The following RNF145 variants were observed in gnomAD, a reference collection of about 807,000 sequenced individuals.
The protein encoded by RNF145 is ring finger protein 145.
In RNF145, 12 loss-of-function variants were observed where a neutral mutation model predicts 57.3. That is an observed-to-expected ratio of 0.21 (90% CI 0.13 to 0.34). The LOEUF is 0.34. Among genes scored for constraint, RNF145 ranks in the 10% least tolerant of loss-of-function variants. The probability of loss-of-function intolerance (pLI) is 1.00; values close to 1 mark genes in which losing one functional copy is unlikely to be tolerated. For missense variants in RNF145, 429 were observed against 799.0 expected (o/e 0.54, Z 5.58); for synonymous variants, 262 against 288.3 (o/e 0.91, Z 0.92).
upstream of RNF145, chr5:159,210,015 A>G: frequency 1.2e-6 from 1 of 865,312 alleles, no homozygotes; most frequent in East Asian, 2.7e-5. Context: ...AAGTGCAGGC[A>G]CTCAAACCCC....
In RNF145 at chr5:159,165,728, A is replaced by AT. The variant is rs1784373780; in HGVS notation, c.1122-2650_1122-2649insA. Among the ~76,000 whole-genome samples, 3 of 136,854 alleles carry AT rather than the reference A, an allele frequency of 2.2e-5. 1 individual carries two copies. The highest frequency in any genetic ancestry group is 4.9e-5 in the Non-Finnish European group (3 of 61,456). 89.8% of individuals were successfully genotyped at this position (136,854 alleles called of 152,430 possible). ...AAAAAAAAAAAAAAAAAAAAAAAAA[A>AT]AAAAATAATAATATCCTACATTATC... On this transcript the variant is annotated intron_variant, in intron 8 of 10. Coordinates refer to ENST00000424310, the MANE Select transcript of RNF145 (RefSeq NM_001199383.2).
chr5:159,208,309 G>T (rs1032452144), intron 1 of RNF145, among the ~76,000 whole-genome samples: 1 of 152,174 alleles, frequency 6.6e-6, no homozygotes, highest in African/African-American at 2.4e-5. Flanking sequence ...CTCCTATCTC[G>T]CCAAGGGTGC....
At chr5:159,208,426 C>G (rs1584719133) in intron 1 of RNF145, among the ~76,000 whole-genome samples, 1 of 152,126 alleles carries the variant, frequency 6.6e-6, no homozygotes, top group South Asian at 2.1e-4. Flanking sequence ...AGGGGGTTCA[C>G]GGGTCTGAGG....
At chr5:159,183,202 T>G (rs1784951066) in intron 3 of RNF145, among the ~76,000 whole-genome samples, 1 of 152,192 alleles carries the variant, frequency 6.6e-6, no homozygotes, top group Non-Finnish European at 1.5e-5. Context: ...ACACATAATG[T>G]ATTAATTGTC....
At chr5:159,166,017 C>T (rs979577617) in intron 8 of RNF145, among the ~76,000 whole-genome samples, 1 of 152,198 alleles carries the variant, frequency 6.6e-6, no homozygotes, top group Non-Finnish European at 1.5e-5. Context: ...TCCAAAGTGA[C>T]TACACCACTT....
chr5:159,181,809 A>C (rs1241068939), intron 4 of RNF145, 151 bp downstream of exon 4: 1 of 529,644 alleles, frequency 1.9e-6, no homozygotes, highest in East Asian at 2.9e-5. Context: ...TTAAAAAAAA[A>C]AAACCACCAA....
At chr5:159,201,615 A>T (rs543649390) in intron 2 of RNF145, among the ~76,000 whole-genome samples, 3 of 152,324 alleles carry the variant, frequency 2.0e-5, no homozygotes, top group African/African-American at 7.2e-5. Flanking sequence ...CTATTTCATA[A>T]ATATCTAAAA....
chr5:159,185,945 C>T (rs1379410544), intron 3 of RNF145, among the ~76,000 whole-genome samples: 1 of 152,034 alleles, frequency 6.6e-6, no homozygotes, highest in Non-Finnish European at 1.5e-5. Flanking sequence ...AAAGGGCCTC[C>T]GGCCATGGTA....
In RNF145 at chr5:159,158,823, G is replaced by A; in HGVS notation, c.1839C>T (p.Gly613=). Residue 613 remains glycine (G), a synonymous_variant, in exon 11 of 11, where the codon GGC becomes GGT. Transcript: ENST00000424310. ...VMFQEGTEPP[G]QEHTPGTRIQ... is the part of the protein sequence containing the mutation. The stretch of plus-strand genomic sequence containing the variant: ...TCCTGGTCCCTGGAGTATGCTCCTG[G>A]CCTGGGGGTTCAGTACCTTCCTGAA... 1 of 1,613,902 alleles carries A rather than the reference G, an allele frequency of 6.2e-7. No individual in the cohort carries two copies. Among genetic ancestry groups the A allele is most frequent in the Non-Finnish European group, 8.5e-7 (1 of 1,179,854 alleles).
upstream of RNF145, chr5:159,209,609 G>A (rs1303613577): frequency 1.6e-5 from 17 of 1,066,154 alleles, no homozygotes; most frequent in East Asian, 8.3e-4. Flanking sequence ...AGCCAGCGCG[G>A]CGCGCCCCTC....
chr5:159,174,315 A>G (rs1784646525), intron 5 of RNF145, among the ~76,000 whole-genome samples, 157 bp from the exon 6 acceptor site: 1 of 152,188 alleles, frequency 6.6e-6, no homozygotes, highest in Non-Finnish European at 1.5e-5. Flanking sequence ...ATAGTTAATA[A>G]ATAGCATGTT....
chr5:159,172,522 C>CA (rs1214504277), intron 6 of RNF145, among the ~76,000 whole-genome samples: 1 of 151,454 alleles, frequency 6.6e-6, no homozygotes, highest in East Asian at 1.9e-4. Context: ...ATACTTATAT[C>CA]AAAAACAAAT....
chr5:159,195,479 C>T (rs557741310), intron 2 of RNF145, among the ~76,000 whole-genome samples: 11 of 152,198 alleles, frequency 7.2e-5, no homozygotes, highest in African/African-American at 2.6e-4. Context: ...CTTTACAAAC[C>T]CCCCTAACTT....
intron 4 of RNF145, among the ~76,000 whole-genome samples, chr5:159,181,246 C>G (rs1157962122): frequency 6.6e-6 from 1 of 151,796 alleles, no homozygotes; most frequent in Non-Finnish European, 1.5e-5. Flanking sequence ...CTTCACCACA[C>G]AAGACACATA....
rs1343465026 is a variant in RNF145, at chr5:159,165,735, A to T, written c.1122-2656T>A. Among the ~76,000 whole-genome samples the T allele has an allele frequency of 1.7e-4, 21 of 125,936 alleles. 9 individuals carry two copies. Among genetic ancestry groups the T allele is most frequent in the South Asian group, 1.5e-3 (6 of 3,910 alleles). The allele number at this position is 125,936 out of a possible 152,430, so 82.6% of individuals were successfully genotyped here. On this transcript the variant is annotated intron_variant, in intron 8 of 10. Coordinates refer to ENST00000424310, the MANE Select transcript of RNF145 (RefSeq NM_001199383.2). Reference sequence around the variant, plus strand: ...AAAAAAAAAAAAAAAAAAAAAAAATAATAATATCCTACATTATCATCTTTT... The same window carrying T: ...AAAAAAAAAAAAAAAAAAAAAAAATTATAATATCCTACATTATCATCTTTT...
intron 3 of RNF145, among the ~76,000 whole-genome samples, chr5:159,187,635 G>A (rs1785124162): frequency 6.6e-6 from 1 of 152,088 alleles, no homozygotes; most frequent in African/African-American, 2.4e-5. Context: ...CCTATCTATA[G>A]TAGTTCTTAA....
Position 159,203,901 on chromosome 5 carries a change from A to G in RNF145, c.-39-245T>C, listed in dbSNP as rs142766355. ...GATTAAATGTTCTGGCCTCAAAACT[A>G]ATTTTTTAAAAGGCCACTAACTCCA... On this transcript the variant is annotated intron_variant, in intron 1 of 10. Coordinates refer to ENST00000424310, the MANE Select transcript of RNF145 (RefSeq NM_001199383.2). 3.0e-4 allele frequency among the ~76,000 whole-genome samples: 46 copies of G among 152,334 alleles called. No homozygotes were observed. The East Asian group carries it at 8.5e-3, about 28-fold the overall frequency.
intron 3 of RNF145, among the ~76,000 whole-genome samples, chr5:159,189,329 C>A (rs1785203646): frequency 6.6e-6 from 1 of 152,194 alleles, no homozygotes; most frequent in South Asian, 2.1e-4. Flanking sequence ...AATATTTACA[C>A]ACGGTCAATG....
Position 159,174,013 on chromosome 5 carries a change from C to A in RNF145, c.767G>T (p.Arg256Leu). 1 of 1,612,072 alleles carries A rather than the reference C, an allele frequency of 6.2e-7. No individual in the cohort carries two copies. The highest frequency in any genetic ancestry group is 8.5e-7 in the Non-Finnish European group (1 of 1,179,112). ...CAGAAAAAGGAAAAGAAGCCTCTCACGTGATGCAGGCTGATCTCGAGTACT... is the reference window on the plus strand; with the variant it reads ...CAGAAAAAGGAAAAGAAGCCTCTCAAGTGATGCAGGCTGATCTCGAGTACT... ...YFSTRDQPAS[R>L]ERLLFLFLTS... Residue 256 changes from arginine to leucine, a missense_variant, in exon 6 of 11, where the codon CGT becomes CTT. By Grantham distance (102) the Arg-to-Leu change is moderately radical. Transcript: ENST00000424310.
Sources: gnomAD v4.1 joint callset for allele counts (sites outside exome capture counted in the v4.1 genomes callset) on GRCh38, gnomAD v4.1.1 for gene constraint, MANE v1.5 for transcripts, NCBI Gene and HGNC (gene_info 2026-07-23, HGNC 2026-07-21) for gene names.